Variants in CACNA1A observed in about 807,000 individuals in gnomAD.
The protein encoded by CACNA1A is calcium voltage-gated channel subunit alpha1 A.
In CACNA1A, 57 loss-of-function variants were observed where a neutral mutation model predicts 262.4. That is an observed-to-expected ratio of 0.22 (90% CI 0.18 to 0.27). The LOEUF (loss-of-function observed/expected upper bound fraction) is 0.27, where lower values mean the gene tolerates loss of function less well. Ranked by LOEUF, CACNA1A falls within the 10% of genes least tolerant of loss-of-function variation. The pLI is 1.00. For synonymous variants in CACNA1A, 1,431 were observed against 1,419.3 expected, an observed-to-expected ratio of 1.01 and a Z score of -0.18; for missense variants, 2,526 against 3,562.8, an observed-to-expected ratio of 0.71 and a Z score of 7.41.
At chr19:13,377,351 T>G (rs2059437761) in intron 3 of CACNA1A, among the ~76,000 whole-genome samples, 1 of 151,724 alleles carries the variant, frequency 6.6e-6, no homozygotes, top group South Asian at 2.1e-4. Flanking sequence ...ATGAATGTTG[T>G]TTTTATGACT....
intron 31 of CACNA1A, among the ~76,000 whole-genome samples, chr19:13,239,082 G>C (rs933360312): frequency 3.3e-5 from 5 of 152,222 alleles, no homozygotes; most frequent in Admixed American, 1.3e-4. Flanking sequence ...CAACCAGAGC[G>C]AGCTTGTCTA....
chr19:13,430,151 C>CT (rs1019798782), intron 3 of CACNA1A, among the ~76,000 whole-genome samples: 40 of 151,864 alleles, frequency 2.6e-4, no homozygotes, highest in African/African-American at 9.7e-4. Flanking sequence ...CGCCGCTCAA[C>CT]TAAACACTTA....
intron 1 of CACNA1A, among the ~76,000 whole-genome samples, chr19:13,497,513 AAAAAAAAAATATATATATATATATAT>A (rs1981743842): frequency 2.8e-4 from 13 of 45,744 alleles, no homozygotes; most frequent in Non-Finnish European, 2.6e-4. Context: ...AAAAAAAAAA[AAAAAAAAAATATATATATATATATAT>A]ATATATATAT....
intron 34 of CACNA1A, among the ~76,000 whole-genome samples, chr19:13,234,350 C>CAAAAAAAAAAAAAAAAA (rs71168693): frequency 1.4e-5 from 1 of 71,244 alleles, no homozygotes; most frequent in Admixed American, 2.1e-4. Context: ...ACTCCATCTC[C>CAAAAAAAAAAAAAAAAA]AAAAAAAAAA....
intron 44 of CACNA1A, among the ~76,000 whole-genome samples, chr19:13,209,766 G>C (rs773243254): frequency 7.2e-5 from 11 of 152,304 alleles, no homozygotes; most frequent in Non-Finnish European, 1.3e-4. Context: ...CCTGGGTTCT[G>C]ACCAGAAAGA....
Position 13,207,365 on chromosome 19 carries a change from G to C in CACNA1A, c.7469C>G (p.Ser2490Cys), listed in dbSNP as rs749084618. The change falls in exon 47 of 47, where the codon TCC becomes TGC. Residue 2490 changes from serine to cysteine, a missense_variant. By Grantham distance (112) the Ser-to-Cys change is moderately radical. Around this residue, in one of 17 missense-constraint regions of CACNA1A, gnomAD observed 929 missense variants for 868.1 expected, o/e 1.07. Coordinates refer to ENST00000360228, the MANE Select transcript of CACNA1A (RefSeq NM_001127222.2). This position sits in a 1 kb window ranked among gnomAD's most constrained non-coding sequence, Gnocchi z 5.7. ...GTAGGGTTCGTGCAGGCCCTTCCTG[G>C]AGCCCGGCCCGCGGGGCCTGGCCAG... ...HGLARPRGPGSRKGLHEPYSE... is the reference protein window; with the variant it reads ...HGLARPRGPGCRKGLHEPYSE... 1.2e-5 allele frequency: 18 copies of C among 1,553,868 alleles called. No individual in the cohort carries two copies. Among genetic ancestry groups the C allele is most frequent in the Non-Finnish European group, 1.6e-5 (18 of 1,156,778 alleles).
chr19:13,265,412 A>AT (rs1417185772), intron 24 of CACNA1A, among the ~76,000 whole-genome samples: 3 of 151,926 alleles, frequency 2.0e-5, no homozygotes, highest in Non-Finnish European at 4.4e-5. Context: ...AAAGGACTCC[A>AT]TTTTTTTCAT....
intron 1 of CACNA1A, among the ~76,000 whole-genome samples, chr19:13,480,970 G>A (rs1979226851): frequency 6.6e-6 from 1 of 152,126 alleles, no homozygotes; most frequent in Non-Finnish European, 1.5e-5. Context: ...TCCGAATCTA[G>A]ATAGCCTAGG....
intron 22 of CACNA1A, among the ~76,000 whole-genome samples, chr19:13,279,762 G>A (rs1377321366): frequency 6.7e-6 from 1 of 149,118 alleles, no homozygotes; most frequent in African/African-American, 2.5e-5. Context: ...TGGGATTACA[G>A]GTGCGAGCCC....
In CACNA1A at chr19:13,209,130, G is replaced by C. The variant is rs1376010550; in HGVS notation, c.6527-121C>G. On this transcript the variant is annotated intron_variant, in intron 45 of 46. Coordinates refer to ENST00000360228, the MANE Select transcript of CACNA1A (RefSeq NM_001127222.2). Reference sequence around the variant, plus strand: ...CCTAGAGATCCCCTGAACCGAGGCAGGTCAGTGGGTTGGGGGGAGGGGGTA... The same window carrying C: ...CCTAGAGATCCCCTGAACCGAGGCACGTCAGTGGGTTGGGGGGAGGGGGTA... 39 of 1,428,504 alleles carry C rather than the reference G, an allele frequency of 2.7e-5. No individual in the cohort carries two copies. The East Asian group carries it at 9.7e-4, about 36-fold the overall frequency. The allele number at this position is 1,428,504 out of a possible 1,614,324, so 88.5% of individuals were successfully genotyped here. A position where few individuals can be genotyped will look rare whatever the true frequency, so the allele number is the denominator to read the frequency against.
At chr19:13,218,353 A>AC (rs2055097444) in intron 38 of CACNA1A, among the ~76,000 whole-genome samples, 1 of 152,136 alleles carries the variant, frequency 6.6e-6, no homozygotes, top group South Asian at 2.1e-4. Context: ...AGACTGAGTA[A>AC]CTACGTCAGC....
At chr19:13,342,057 G>C (rs2058684625) in intron 6 of CACNA1A, among the ~76,000 whole-genome samples, 1 of 152,148 alleles carries the variant, frequency 6.6e-6, no homozygotes, top group Admixed American at 6.6e-5. Context: ...CCTCTCTGGG[G>C]AGTGGGCTTC....
At chr19:13,222,515 C>T (rs955737476) in intron 38 of CACNA1A, among the ~76,000 whole-genome samples, 2 of 151,530 alleles carry the variant, frequency 1.3e-5, no homozygotes, top group Non-Finnish European at 2.9e-5. Flanking sequence ...CCTGCCTCAG[C>T]CTTCTGAGTA....
chr19:13,208,737 C>T lies in CACNA1A; in HGVS notation c.6780+19G>A. 1.3e-6 allele frequency: 2 copies of T among 1,562,862 alleles called. No homozygotes were observed. Among genetic ancestry groups the T allele is most frequent in the Non-Finnish European group, 1.7e-6 (2 of 1,160,012 alleles). ...CTCCCGGCCGAGCCCAGCCTGGGGTCACTTGCAGCCGCACCCACCTGCCGG... is the reference window on the plus strand; with the variant it reads ...CTCCCGGCCGAGCCCAGCCTGGGGTTACTTGCAGCCGCACCCACCTGCCGG... On this transcript the variant is annotated intron_variant, in intron 46 of 46. Transcript: ENST00000360228.
At position 13,298,640 on chromosome 19, in the gene CACNA1A, C is replaced by CCGTCGGGGCCCTCGCCCTCGCCCT; in HGVS notation, c.2969_2992dup (p.Glu990_Asp997dup). On this transcript the variant is annotated inframe_insertion, in exon 19 of 47. Coordinates refer to ENST00000360228, the MANE Select transcript of CACNA1A (RefSeq NM_001127222.2). ...CCGGTGCCTTCTCCTGCGCTCGCCC[C>CCGTCGGGGCCCTCGCCCTCGCCCT]CGTCGGGGCCCTCGCCCTCGCCCTC... is the stretch of plus-strand genomic sequence containing the variant. The CCGTCGGGGCCCTCGCCCTCGCCCT allele has an allele frequency of 6.6e-7, 1 of 1,520,884 alleles. No individual in the cohort carries two copies. Among genetic ancestry groups the CCGTCGGGGCCCTCGCCCTCGCCCT allele is most frequent in the Non-Finnish European group, 8.8e-7 (1 of 1,134,086 alleles). 94.2% of individuals were successfully genotyped at this position (1,520,884 alleles called of 1,614,324 possible).
intron 37 of CACNA1A, 190 bp from the exon 38 acceptor site, chr19:13,224,962 G>T (rs946005333): frequency 2.7e-5 from 15 of 549,424 alleles, no homozygotes; most frequent in Non-Finnish European, 4.6e-5. Flanking sequence ...GGGCACAAAA[G>T]GCTCTCTTGT....
intron 9 of CACNA1A, among the ~76,000 whole-genome samples, chr19:13,332,499 G>T (rs1281028246): frequency 6.6e-6 from 1 of 152,086 alleles, no homozygotes; most frequent in East Asian, 1.9e-4. Context: ...ATTATTGGTG[G>T]AATTATTACT....
At chr19:13,338,203 A>T (rs973976872) in intron 6 of CACNA1A, among the ~76,000 whole-genome samples, 2 of 152,096 alleles carry the variant, frequency 1.3e-5, no homozygotes, top group African/African-American at 4.8e-5. Flanking sequence ...CAACAGAGCG[A>T]GACTTCGTCT....
At chr19:13,396,237 T>C (rs190603974) in intron 3 of CACNA1A, among the ~76,000 whole-genome samples, 1 of 152,358 alleles carries the variant, frequency 6.6e-6, no homozygotes, top group Admixed American at 6.5e-5. Context: ...AGAGCTGAAC[T>C]TGAACTAAAG....
Sources: allele counts gnomAD v4.1 joint callset (sites outside exome capture counted in the v4.1 genomes callset), GRCh38; gene constraint gnomAD v4.1.1; regional missense constraint gnomAD v4.1.1; non-coding constraint Gnocchi (gnomAD v3.1); transcripts MANE v1.5; gene names NCBI Gene and HGNC (gene_info 2026-07-23, HGNC 2026-07-21).